The following EPS15L1 variants were observed in gnomAD, a reference collection of about 807,000 sequenced individuals.
The protein encoded by EPS15L1 is epidermal growth factor receptor substrate 15-like 1.
Under a neutral mutation model 117.1 loss-of-function variants are expected in EPS15L1, and 43 were observed. The ratio of observed to expected loss-of-function variants is 0.37; its 90% CI spans 0.29 to 0.47. The LOEUF (loss-of-function observed/expected upper bound fraction) is 0.47. Ranked by LOEUF, EPS15L1 falls within the 20% of genes least tolerant of loss-of-function variation. EPS15L1 has a pLI of 0.99. For missense variants in EPS15L1, 981 were observed against 1,164.0 expected, an observed-to-expected ratio of 0.84 and a Z score of 2.29; for synonymous variants, 459 against 470.5, an observed-to-expected ratio of 0.98 and a Z score of 0.32.
At position 16,404,775 on chromosome 19, in the gene EPS15L1, G is replaced by A. The variant is rs372032690; in HGVS notation, c.1267-26C>T. On this transcript the variant is annotated intron_variant, in intron 13 of 23. Coordinates refer to ENST00000455140, the MANE Select transcript of EPS15L1 (RefSeq NM_001258374.3). This position sits in a 1 kb window ranked among gnomAD's most constrained non-coding sequence, Gnocchi z 4.2. ...CTAGGGAGGAGTTGCAGGGGTTTAC[G>A]TGAGGATGGGAAAAATGAAGCATGT... is the stretch of plus-strand genomic sequence containing the variant. The A allele has an allele frequency of 5.0e-5, 80 of 1,611,284 alleles. No individual in the cohort carries two copies. The highest frequency in any genetic ancestry group is 5.9e-5 in the Non-Finnish European group (70 of 1,177,806).
intron 10 of EPS15L1, among the ~76,000 whole-genome samples, chr19:16,418,944 C>G (rs2092787682): frequency 1.3e-5 from 2 of 152,220 alleles, no homozygotes. Context: ...GTCTATGGCA[C>G]TTTGTCACAG....
intron 7 of EPS15L1, among the ~76,000 whole-genome samples, chr19:16,432,770 CACAA>C (rs1049798267): frequency 2.6e-5 from 4 of 151,848 alleles, no homozygotes; most frequent in Non-Finnish European, 5.9e-5. Flanking sequence ...GACTCTGTCT[CACAA>C]ACAAAACAAA....
At chr19:16,403,393 C>T (rs2092622252) in intron 15 of EPS15L1, among the ~76,000 whole-genome samples, 1 of 152,238 alleles carries the variant, frequency 6.6e-6, no homozygotes, top group Non-Finnish European at 1.5e-5. Context: ...ATCTCTCTGA[C>T]TTTGTCCCTC....
Position 16,404,862 on chromosome 19 carries a change from G to C in EPS15L1, c.1267-113C>G. The C allele has an allele frequency of 8.5e-7, 1 of 1,179,298 alleles. No individual in the cohort carries two copies. The highest frequency in any genetic ancestry group is 1.2e-6 in the Non-Finnish European group (1 of 823,392). 73.1% of individuals were successfully genotyped at this position (1,179,298 alleles called of 1,614,324 possible). A position where few individuals can be genotyped will look rare whatever the true frequency, so the allele number is the denominator to read the frequency against. ...GGGGAAGCCTCCGAAACCACCCACT[G>C]TGACCGTGCTCAGGGCCAGCATTCC... is the stretch of plus-strand genomic sequence containing the variant. On this transcript the variant is annotated intron_variant, in intron 13 of 23. Coordinates refer to ENST00000455140, the MANE Select transcript of EPS15L1 (RefSeq NM_001258374.3). This position sits in a 1 kb window ranked among gnomAD's most constrained non-coding sequence, Gnocchi z 4.2.
rs766689784 is a variant in EPS15L1 at position 16,395,407 on chromosome 19, C to A, written c.1852G>T (p.Asp618Tyr). ...AAGGGGTCTTCTGTCTGGAAAGGAT[C>A]CGGATGCAACTCTTGCGTGTTGTTG... The part of the protein sequence containing the change: ...FSNNTQELHP[D>Y]PFQTEDPFKS... Residue 618 changes from aspartate to tyrosine, a missense_variant, in exon 17 of 24, where the codon GAT becomes TAT. By Grantham distance (160) the Asp-to-Tyr change is radical. Coordinates refer to ENST00000455140, the MANE Select transcript of EPS15L1 (RefSeq NM_001258374.3). The A allele has an allele frequency of 6.2e-7, 1 of 1,613,772 alleles. No homozygotes were observed. The highest frequency in any genetic ancestry group is 8.5e-7 in the Non-Finnish European group (1 of 1,179,736).
chr19:16,431,079 A>G (rs2092922894), intron 7 of EPS15L1, among the ~76,000 whole-genome samples: 1 of 151,620 alleles, frequency 6.6e-6, no homozygotes, highest in Admixed American at 6.6e-5. Context: ...TCTCTACTAA[A>G]AATATAAAAA....
At chr19:16,463,218 C>T (rs562482733) in intron 1 of EPS15L1, among the ~76,000 whole-genome samples, 1 of 152,288 alleles carries the variant, frequency 6.6e-6, no homozygotes, top group Admixed American at 6.5e-5. Flanking sequence ...CTGACACAGC[C>T]ACAGCCCACC....
In EPS15L1 at chr19:16,434,490, C is replaced by T. The variant is rs1203630534; in HGVS notation, c.373G>A (p.Val125Met). The T allele has an allele frequency of 6.2e-7, 1 of 1,613,272 alleles. No homozygotes were observed. Among genetic ancestry groups the T allele is most frequent in the Admixed American group, 1.7e-5 (1 of 59,862 alleles). ...CCATCAAATTTGGCCTTTTCTTCCA[C>T]CTAGTTGGAAAGAAATAGCCCGAGT... ...PSAEAHWAVR[V>M]EEKAKFDGIF... The change falls in exon 7 of 24, where the codon GTG (valine) becomes ATG (methionine). Residue 125 changes from valine to methionine, a missense_variant and splice_region_variant. This residue lies in a region of EPS15L1 where 52 missense variants were observed against 53.1 expected (regional missense o/e 0.98). Transcript: ENST00000455140.
chr19:16,413,001 A>G, intron 13 of EPS15L1: 1 of 707,114 alleles, frequency 1.4e-6, no homozygotes, highest in Non-Finnish European at 2.5e-6. Context: ...GGGCTCTCTC[A>G]AGGATGAGGT....
intron 19 of EPS15L1, among the ~76,000 whole-genome samples, chr19:16,388,275 A>G (rs1302007999): frequency 6.6e-6 from 1 of 152,130 alleles, no homozygotes; most frequent in Non-Finnish European, 1.5e-5. Context: ...CCTGGCCTCA[A>G]GTGATCCGCC....
chr19:16,459,645 G>A (rs1004107036), intron 1 of EPS15L1, among the ~76,000 whole-genome samples: 2 of 152,160 alleles, frequency 1.3e-5, no homozygotes, highest in African/African-American at 4.8e-5. Flanking sequence ...GCCTGAGGAT[G>A]CTGGTAAGTC....
At chr19:16,427,431 A>G (rs2092882992) in intron 8 of EPS15L1, among the ~76,000 whole-genome samples, 1 of 152,234 alleles carries the variant, frequency 6.6e-6, no homozygotes, top group Non-Finnish European at 1.5e-5. Context: ...CCAAAAATCC[A>G]AAATCTGAAA....
intron 22 of EPS15L1, among the ~76,000 whole-genome samples, chr19:16,374,148 C>T (rs1428081376): frequency 6.6e-6 from 1 of 152,174 alleles, no homozygotes; most frequent in Non-Finnish European, 1.5e-5. Flanking sequence ...CCTGCTGCCA[C>T]CTTGCTGTGT....
intron 6 of EPS15L1, among the ~76,000 whole-genome samples, chr19:16,435,490 A>T (rs1410330089): frequency 6.6e-6 from 1 of 152,172 alleles, no homozygotes; most frequent in Non-Finnish European, 1.5e-5. Flanking sequence ...AATGGTTAAG[A>T]TGGTAAATGT....
chr19:16,408,635 G>T (rs924158283), intron 13 of EPS15L1, among the ~76,000 whole-genome samples: 1 of 150,418 alleles, frequency 6.6e-6, no homozygotes, highest in Non-Finnish European at 1.5e-5. Flanking sequence ...ACTCCAGCCT[G>T]AGTGACAGTG....
chr19:16,379,591 G>A (rs548744333), intron 21 of EPS15L1, among the ~76,000 whole-genome samples: 92 of 152,236 alleles, frequency 6.0e-4, no homozygotes, highest in Middle Eastern at 6.8e-3. Flanking sequence ...TAGTCACACC[G>A]ATGCAGCTGA....
At chr19:16,399,393 C>G (rs916496459) in intron 16 of EPS15L1, among the ~76,000 whole-genome samples, 1 of 152,154 alleles carries the variant, frequency 6.6e-6, no homozygotes, top group African/African-American at 2.4e-5. Flanking sequence ...AATGACACGG[C>G]CCTTGGCAGA....
intron 6 of EPS15L1, 144 bp downstream of exon 6, chr19:16,436,793 T>C: frequency 1.6e-6 from 1 of 642,426 alleles, no homozygotes; most frequent in Non-Finnish European, 2.7e-6. Flanking sequence ...CCACTCACAC[T>C]GAGACAGAAG....
In EPS15L1 at chr19:16,436,937, C is replaced by G; in HGVS notation, c.372G>C (p.Arg124Ser). ...GAGGGAGCTATTCCCGTTCACTTAC[C>G]CTCACAGCCCAGTGGGCCTCTGCAG... The part of the protein sequence containing the change: ...PPSAEAHWAV[R>S]VEEKAKFDGI... The change falls in exon 6 of 24, where the codon AGG (arginine) becomes AGC (serine). Residue 124 changes from arginine (R) to serine (S), a missense_variant and splice_region_variant. Arg to Ser is a moderately radical substitution (Grantham distance 110). This residue lies in a region of EPS15L1 where 52 missense variants were observed against 53.1 expected (regional missense o/e 0.98). Transcript: ENST00000455140. 3.7e-6 allele frequency: 6 copies of G among 1,612,766 alleles called. No individual in the cohort carries two copies. Among genetic ancestry groups the G allele is most frequent in the Non-Finnish European group, 5.1e-6 (6 of 1,178,888 alleles).
Sources: gnomAD v4.1 joint callset for allele counts (sites outside exome capture counted in the v4.1 genomes callset) on GRCh38, gnomAD v4.1.1 for gene constraint, gnomAD v4.1.1 regional missense constraint, Gnocchi (gnomAD v3.1) non-coding constraint, MANE v1.5 for transcripts, NCBI Gene and HGNC (gene_info 2026-07-23, HGNC 2026-07-21) for gene names.